PACSIN1: variants seen among roughly 807,000 people sequenced by gnomAD.
The protein encoded by PACSIN1 is protein kinase C and casein kinase substrate in neurons 1.
A neutral mutation model predicts 59.5 loss-of-function variants in PACSIN1; 15 were observed. The ratio of observed to expected loss-of-function variants is 0.25; its 90% CI spans 0.17 to 0.39. The LOEUF is 0.39. Among genes scored for constraint, PACSIN1 ranks in the 10% least tolerant of loss-of-function variants. The pLI is 1.00. For missense variants in PACSIN1, 420 were observed against 580.2 expected, an observed-to-expected ratio of 0.72 and a Z score of 2.84; for synonymous variants, 210 against 220.6, an observed-to-expected ratio of 0.95 and a Z score of 0.42.
intron 1 of PACSIN1, among the ~76,000 whole-genome samples, chr6:34,472,271 C>CAAAAA (rs61560626): frequency 2.8e-4 from 22 of 78,290 alleles, no homozygotes; most frequent in Middle Eastern, 7.9e-3. Context: ...GACTCTGTCT[C>CAAAAA]AAAAAAAAAA....
rs1213687765 is a variant in PACSIN1 at position 34,516,050 on chromosome 6, G to A, written c.-63-10193G>A. 1.3e-5 allele frequency among the ~76,000 whole-genome samples: 2 copies of A among 152,176 alleles called. No individual in the cohort carries two copies. The highest frequency in any genetic ancestry group is 2.9e-5 in the Non-Finnish European group (2 of 68,014). On this transcript the variant is annotated intron_variant, in intron 1 of 9. Coordinates refer to ENST00000244458, the MANE Select transcript of PACSIN1 (RefSeq NM_020804.5). The surrounding 1 kb of genome is among the most constrained non-coding windows in gnomAD (Gnocchi z 5.4). Reference sequence around the variant, plus strand: ...GCCACCTTGGGTGGCATAGGGAGGAGATGCTAGCCTGCAAGGGGCAGAAGG... The same window carrying A: ...GCCACCTTGGGTGGCATAGGGAGGAAATGCTAGCCTGCAAGGGGCAGAAGG...
In PACSIN1 at chr6:34,529,531, G is replaced by A; in HGVS notation, c.591G>A (p.Lys197=). ...QQKKLQDKVD[K]CKQDVQKTQE... is the part of the protein sequence containing the mutation. ...AGAAGCTGCAGGACAAAGTGGACAAGTGCAAGCAGGATGTGCAGAAGGTGC... is the reference window on the plus strand; with the variant it reads ...AGAAGCTGCAGGACAAAGTGGACAAATGCAAGCAGGATGTGCAGAAGGTGC... The change falls in exon 5 of 10, where the codon AAG becomes AAA. Residue 197 remains lysine, a synonymous_variant. Coordinates refer to ENST00000244458, the MANE Select transcript of PACSIN1 (RefSeq NM_020804.5). The surrounding 1 kb of genome is among the most constrained non-coding windows in gnomAD (Gnocchi z 6.3). 1 of 1,614,188 alleles carries A rather than the reference G, an allele frequency of 6.2e-7. No individual in the cohort carries two copies. The highest frequency in any genetic ancestry group is 8.5e-7 in the Non-Finnish European group (1 of 1,180,034).
chr6:34,505,381 C>G (rs887082492), intron 1 of PACSIN1, among the ~76,000 whole-genome samples: 1 of 152,006 alleles, frequency 6.6e-6, no homozygotes, highest in Non-Finnish European at 1.5e-5. Context: ...TGTCTTTTGC[C>G]AAGTTCAGGA....
At chr6:34,490,226 C>CTTTTTTT (rs56754772) in intron 1 of PACSIN1, among the ~76,000 whole-genome samples, 2 of 102,716 alleles carry the variant, frequency 1.9e-5, no homozygotes, top group East Asian at 3.1e-4. Context: ...AATTTAAAAA[C>CTTTTTTT]TTTTTTTTTT....
intron 1 of PACSIN1, among the ~76,000 whole-genome samples, chr6:34,482,651 TG>T (rs1766735685): frequency 6.6e-6 from 1 of 151,364 alleles, no homozygotes; most frequent in Admixed American, 6.6e-5. Flanking sequence ...GTAGAATTGC[TG>T]GGTCATATGG....
chr6:34,479,694 G>A (rs1323385784), intron 1 of PACSIN1, among the ~76,000 whole-genome samples: 1 of 152,102 alleles, frequency 6.6e-6, no homozygotes, highest in Admixed American at 6.5e-5. Flanking sequence ...GGGCTCAAGT[G>A]ATCCTCCTGC....
chr6:34,478,061 C>CT (rs58616178), intron 1 of PACSIN1, among the ~76,000 whole-genome samples: 1,971 of 114,570 alleles, frequency 0.017, 31 homozygotes, highest in African/African-American at 0.047. Context: ...CCCCTTTATC[C>CT]TTTTTTTTTT....
chr6:34,530,268 G>A lies in PACSIN1; in HGVS notation c.814G>A (p.Glu272Lys). The change falls in exon 7 of 10, where the codon GAG becomes AAG. Residue 272 changes from glutamate to lysine, a missense_variant. Glu to Lys is a moderately conservative substitution (Grantham distance 56). Transcript: ENST00000244458. This position sits in a 1 kb window ranked among gnomAD's most constrained non-coding sequence, Gnocchi z 4.4. ...CTACATCCATGTGTACCGTGAGCTG[G>A]AGCAGGCCATCCGGGGGGCTGATGC... ...SSYIHVYRELEQAIRGADAQE... is the reference protein window; with the variant it reads ...SSYIHVYRELKQAIRGADAQE... The A allele has an allele frequency of 2.5e-6, 4 of 1,614,068 alleles. No individual in the cohort carries two copies. The highest frequency in any genetic ancestry group is 3.4e-6 in the Non-Finnish European group (4 of 1,179,974).
Position 34,470,175 on chromosome 6 carries a change from C to CTATTATTATTATTAT in PACSIN1, c.-64+3913_-64+3927dup, listed in dbSNP as rs200734893. 5.9e-5 allele frequency among the ~76,000 whole-genome samples: 9 copies of CTATTATTATTATTAT among 151,562 alleles called. No homozygotes were observed. In the East Asian group the frequency reaches 1.4e-3, roughly 23 times the overall value. On this transcript the variant is annotated intron_variant, in intron 1 of 9. Transcript: ENST00000244458. ...ACTGGGAGGGCAGGGGAGGCCTTGGCTATTATTATTATTATTATTATTTTT... is the reference window on the plus strand; with the variant it reads ...ACTGGGAGGGCAGGGGAGGCCTTGGCTATTATTATTATTATTATTATTATTATTATTATTATTTTT...
intron 1 of PACSIN1, among the ~76,000 whole-genome samples, chr6:34,491,843 C>T (rs905812907): frequency 1.3e-5 from 2 of 151,984 alleles, no homozygotes; most frequent in Non-Finnish European, 2.9e-5. Context: ...AAGTTCTGAC[C>T]TCAGGTGATC....
rs200170208 is a variant in PACSIN1 at position 34,499,798 on chromosome 6, TA to T, written c.-63-26434del. On this transcript the variant is annotated intron_variant, in intron 1 of 9. Coordinates refer to ENST00000244458, the MANE Select transcript of PACSIN1 (RefSeq NM_020804.5). ...GCGACACAGTGAAACTTCGTCTCAATAAAAAAAAAAAGAAAAAGAAAATATA... is the reference window on the plus strand; with the variant it reads ...GCGACACAGTGAAACTTCGTCTCAATAAAAAAAAAAGAAAAAGAAAATATA... 4.5e-4 allele frequency among the ~76,000 whole-genome samples: 60 copies of T among 134,308 alleles called. No homozygotes were observed. The East Asian group carries it at 4.5e-3, about 10-fold the overall frequency. 88.1% of individuals were successfully genotyped at this position (134,308 alleles called of 152,430 possible). A position where few individuals can be genotyped will look rare whatever the true frequency, so the allele number is the denominator to read the frequency against.
At chr6:34,496,941 C>CTT (rs11464603) in intron 1 of PACSIN1, among the ~76,000 whole-genome samples, 6,219 of 100,790 alleles carry the variant, frequency 0.062, 736 homozygotes, top group Middle Eastern at 0.12. Flanking sequence ...CTCTCTCTCT[C>CTT]TTTTTTTTTT....
intron 1 of PACSIN1, among the ~76,000 whole-genome samples, chr6:34,468,919 A>G (rs1163178612): frequency 6.6e-6 from 1 of 152,100 alleles, no homozygotes; most frequent in Non-Finnish European, 1.5e-5. Flanking sequence ...TGGTCCCATC[A>G]TCTACTTTCT....
rs1043796284 is a variant in PACSIN1 at position 34,510,060 on chromosome 6, C to G, written c.-63-16183C>G. ...TATCCTACACAGCAAACTACCTCAA[C>G]TATATGCAGTAAACTGCACAATTTG... On this transcript the variant is annotated intron_variant, in intron 1 of 9. Coordinates refer to ENST00000244458, the MANE Select transcript of PACSIN1 (RefSeq NM_020804.5). Among the ~76,000 whole-genome samples the G allele has an allele frequency of 2.0e-5, 3 of 152,268 alleles. No individual in the cohort carries two copies. In the South Asian group the frequency reaches 6.2e-4, roughly 31 times the overall value.
chr6:34,484,265 T>C (rs1179341371), intron 1 of PACSIN1, among the ~76,000 whole-genome samples: 1 of 152,144 alleles, frequency 6.6e-6, no homozygotes, highest in Non-Finnish European at 1.5e-5. Context: ...TATTATTCAG[T>C]GTTCAAAATA....
At chr6:34,481,050 G>T (rs1766710883) in intron 1 of PACSIN1, among the ~76,000 whole-genome samples, 1 of 151,554 alleles carries the variant, frequency 6.6e-6, no homozygotes, top group East Asian at 1.9e-4. Flanking sequence ...TCTTCAAGTG[G>T]ACTCTTCTTT....
chr6:34,534,182 C>A lies in PACSIN1; in HGVS notation c.*1652C>A. On this transcript the variant is annotated 3_prime_UTR_variant, in exon 10 of 10. Transcript: ENST00000244458. ...CCTTTGCTCCTGCTGCTTCTCCCAACAGCCCACTGTTAGGAGGTAGTAGAC... is the reference window on the plus strand; with the variant it reads ...CCTTTGCTCCTGCTGCTTCTCCCAAAAGCCCACTGTTAGGAGGTAGTAGAC... 6.5e-6 allele frequency: 1 copy of A among 152,832 alleles called. No homozygotes were observed. Among genetic ancestry groups the A allele is most frequent in the Non-Finnish European group, 1.5e-5 (1 of 68,438 alleles). The allele number at this position is 152,832 out of a possible 1,614,324, so 9.5% of individuals were successfully genotyped here.
At position 34,501,723 on chromosome 6, in the gene PACSIN1, A is replaced by T. The variant is rs78000261; in HGVS notation, c.-63-24520A>T. ...ATATCAGCATGGGGAACTTTCAGAAAGGTAGGTTATTAAAAAATGCTAATT... is the reference window on the plus strand; with the variant it reads ...ATATCAGCATGGGGAACTTTCAGAATGGTAGGTTATTAAAAAATGCTAATT... On this transcript the variant is annotated intron_variant, in intron 1 of 9. Transcript: ENST00000244458. Among the ~76,000 whole-genome samples the T allele has an allele frequency of 2.6e-3, 402 of 152,242 alleles. 1 individual carries two copies. The highest frequency in any genetic ancestry group is 9.2e-3 in the African/African-American group (381 of 41,536).
At chr6:34,493,188 G>T (rs1766901998) in intron 1 of PACSIN1, among the ~76,000 whole-genome samples, 2 of 152,330 alleles carry the variant, frequency 1.3e-5, no homozygotes, top group Middle Eastern at 3.4e-3. Flanking sequence ...TCTTGGAAAA[G>T]AACTCTCAGA....
Sources: gnomAD v4.1 joint callset for allele counts (sites outside exome capture counted in the v4.1 genomes callset) on GRCh38, gnomAD v4.1.1 for gene constraint, Gnocchi (gnomAD v3.1) non-coding constraint, MANE v1.5 for transcripts, NCBI Gene and HGNC (gene_info 2026-07-23, HGNC 2026-07-21) for gene names.